Variants in ARSK observed in about 807,000 individuals in gnomAD.
The protein encoded by ARSK is arylsulfatase family member K, also known as arylsulfatase K.
Under a neutral mutation model 53.2 loss-of-function variants are expected in ARSK, and 37 were observed. That is an observed-to-expected ratio of 0.70 (90% CI 0.54 to 0.92). The LOEUF (loss-of-function observed/expected upper bound fraction) is 0.92, where lower values mean the gene tolerates loss of function less well. ARSK is among the 40% of genes least tolerant of loss of function. The pLI is 0.00. For missense variants in ARSK, 613 were observed against 643.0 expected (o/e 0.95, Z 0.51); for synonymous variants, 208 against 223.2 (o/e 0.93, Z 0.61).
intron 2 of ARSK, among the ~76,000 whole-genome samples, chr5:95,567,446 A>G (rs1748742506): frequency 6.6e-6 from 1 of 152,242 alleles, no homozygotes; most frequent in African/African-American, 2.4e-5. Context: ...GATAAGGCAT[A>G]ACACACTACG....
At chr5:95,564,411 T>C (rs1159783111) in intron 1 of ARSK, among the ~76,000 whole-genome samples, 1 of 152,192 alleles carries the variant, frequency 6.6e-6, no homozygotes, top group Non-Finnish European at 1.5e-5. Context: ...TTTCCCCATC[T>C]TAAAAAAAGA....
chr5:95,600,736 G>A (rs184553948), intron 6 of ARSK, 111 bp from the exon 7 acceptor site: 1 of 1,081,996 alleles, frequency 9.2e-7, no homozygotes, highest in South Asian at 1.3e-5. Context: ...ACAATCTCCA[G>A]TCTCCATGGC....
chr5:95,579,057 T>C (rs1748976554), intron 3 of ARSK, among the ~76,000 whole-genome samples: 1 of 152,226 alleles, frequency 6.6e-6, no homozygotes, highest in Non-Finnish European at 1.5e-5. Context: ...TGAACCAAGA[T>C]AGAATAATTC....
intron 3 of ARSK, among the ~76,000 whole-genome samples, chr5:95,572,091 A>C (rs549306848): frequency 1.9e-4 from 29 of 152,286 alleles, no homozygotes; most frequent in African/African-American, 6.7e-4. Flanking sequence ...TTTAGGCATC[A>C]GCGATGCTTC....
intron 6 of ARSK, among the ~76,000 whole-genome samples, chr5:95,600,435 A>G (rs1749382268): frequency 6.6e-6 from 1 of 152,226 alleles, no homozygotes; most frequent in Admixed American, 6.5e-5. Context: ...CCCATGAAAG[A>G]AACTTTGAGA....
chr5:95,602,392 C>A (rs1020008172), intron 7 of ARSK, among the ~76,000 whole-genome samples: 1 of 152,104 alleles, frequency 6.6e-6, no homozygotes, highest in Non-Finnish European at 1.5e-5. Context: ...GGGAATCAGC[C>A]TTTTCTGTAC....
chr5:95,572,573 T>G (rs1748851631), intron 3 of ARSK, among the ~76,000 whole-genome samples: 1 of 152,130 alleles, frequency 6.6e-6, no homozygotes, highest in Admixed American at 6.5e-5. Context: ...GGTCAGGAGA[T>G]TGATACCATC....
At chr5:95,601,158 G>A in intron 7 of ARSK, 87 bp downstream of exon 7, 1 of 1,235,464 alleles carries the variant, frequency 8.1e-7, no homozygotes, top group Non-Finnish European at 1.2e-6. Flanking sequence ...AATAATCCTT[G>A]TTAAATAAAT....
chr5:95,579,382 A>G (rs1474050506), intron 3 of ARSK, among the ~76,000 whole-genome samples: 2 of 152,218 alleles, frequency 1.3e-5, no homozygotes, highest in Non-Finnish European at 2.9e-5. Context: ...TGGAAGGTGA[A>G]AGGCACATCT....
chr5:95,565,223 T>C (rs1748706371), intron 1 of ARSK, among the ~76,000 whole-genome samples: 1 of 152,182 alleles, frequency 6.6e-6, no homozygotes, highest in Admixed American at 6.5e-5. Flanking sequence ...AAACATCTCC[T>C]AATCTTCAGA....
intron 5 of ARSK, among the ~76,000 whole-genome samples, chr5:95,591,044 T>C (rs1461822081): frequency 6.6e-6 from 1 of 152,144 alleles, no homozygotes; most frequent in Non-Finnish European, 1.5e-5. Flanking sequence ...ATCTGAGACA[T>C]GTAAAGTGCT....
chr5:95,573,382 A>G (rs867282184), intron 3 of ARSK, among the ~76,000 whole-genome samples: 1 of 152,242 alleles, frequency 6.6e-6, no homozygotes, highest in African/African-American at 2.4e-5. Flanking sequence ...TCCTTAAAGT[A>G]CTAAGACTAG....
chr5:95,555,208 G>A lies in ARSK; in HGVS notation c.-71G>A. 2 of 1,468,346 alleles carry A rather than the reference G, an allele frequency of 1.4e-6. No homozygotes were observed. Among genetic ancestry groups the A allele is most frequent in the Non-Finnish European group, 1.8e-6 (2 of 1,089,940 alleles). The allele number at this position is 1,468,346 out of a possible 1,614,324, so 91.0% of individuals were successfully genotyped here. A position where few individuals can be genotyped will look rare whatever the true frequency, so the allele number is the denominator to read the frequency against. On this transcript the variant is annotated 5_prime_UTR_variant, in exon 1 of 8. Transcript: ENST00000380009. The surrounding 1 kb of genome is among the most constrained non-coding windows in gnomAD (Gnocchi z 4.0). ...GGGAGTTGTTCGCTGTCCCTGCCCT[G>A]CTCTGCTAGGGAGAGAACGCCAGAG...
intron 6 of ARSK, among the ~76,000 whole-genome samples, chr5:95,598,046 A>G (rs1297490342): frequency 1.3e-5 from 2 of 152,196 alleles, no homozygotes; most frequent in Non-Finnish European, 2.9e-5. Flanking sequence ...ATTAGTTTGC[A>G]TCATTGCCAT....
rs575734648 is a variant in ARSK, at chr5:95,587,400, G to A, written c.871+667G>A. ...TTATAACAAAAGTTATTTTCATAAA[G>A]TAATGTCATTTATTTTGCTGCACTT... On this transcript the variant is annotated intron_variant, in intron 5 of 7. Transcript: ENST00000380009. 3.9e-5 allele frequency among the ~76,000 whole-genome samples: 6 copies of A among 152,254 alleles called. No homozygotes were observed. In the East Asian group the frequency reaches 1.2e-3, roughly 29 times the overall value.
intron 1 of ARSK, among the ~76,000 whole-genome samples, chr5:95,561,185 T>C (rs976469558): frequency 1.3e-5 from 2 of 152,204 alleles, no homozygotes; most frequent in African/African-American, 4.8e-5. Flanking sequence ...CTCAACATCA[T>C]TAATCATTCG....
intron 3 of ARSK, among the ~76,000 whole-genome samples, chr5:95,570,587 T>A (rs1240994053): frequency 6.6e-6 from 1 of 152,232 alleles, no homozygotes; most frequent in Non-Finnish European, 1.5e-5. Flanking sequence ...TTCTGTAAGT[T>A]ATCTGTAAGA....
Position 95,566,044 on chromosome 5 carries a change from C to T in ARSK, c.173C>T (p.Pro58Leu), listed in dbSNP as rs371079038. Reference protein sequence around the residue: ...FHPGSQVVKLPFINFMKTRGT... With the variant: ...FHPGSQVVKLLFINFMKTRGT... Reference sequence around the variant, plus strand: ...CCAGGAAGTCAGGTAGTGAAACTTCCTTTTATCAACTTTATGAAGACACGT... The same window carrying T: ...CCAGGAAGTCAGGTAGTGAAACTTCTTTTTATCAACTTTATGAAGACACGT... Residue 58 changes from proline (P) to leucine (L), a missense_variant, in exon 2 of 8, where the codon CCT becomes CTT. Coordinates refer to ENST00000380009, the MANE Select transcript of ARSK (RefSeq NM_198150.3). 2.0e-5 allele frequency: 32 copies of T among 1,612,612 alleles called. No individual in the cohort carries two copies. The highest frequency in any genetic ancestry group is 2.5e-5 in the Non-Finnish European group (30 of 1,179,608).
chr5:95,599,389 AAAG>A, intron 6 of ARSK, among the ~76,000 whole-genome samples: 1 of 152,254 alleles, frequency 6.6e-6, no homozygotes, highest in South Asian at 2.1e-4. Flanking sequence ...AACCTTTCTT[AAAG>A]ACTACTTCTC....
Sources: allele counts gnomAD v4.1 joint callset (sites outside exome capture counted in the v4.1 genomes callset), GRCh38; gene constraint gnomAD v4.1.1; non-coding constraint Gnocchi (gnomAD v3.1); transcripts MANE v1.5; gene names NCBI Gene and HGNC (gene_info 2026-07-23, HGNC 2026-07-21).